The following KCTD10 variants were observed in gnomAD, a reference collection of about 807,000 sequenced individuals.
KCTD10 encodes potassium channel tetramerization domain containing 10.
A neutral mutation model predicts 34.6 loss-of-function variants in KCTD10; 13 were observed. The ratio of observed to expected loss-of-function variants is 0.38; its 90% CI spans 0.24 to 0.60. KCTD10 has a LOEUF of 0.60. Ranked by LOEUF, KCTD10 falls within the 20% of genes least tolerant of loss-of-function variation. The pLI, the probability that KCTD10 is intolerant of heterozygous loss-of-function variation, is 0.66. For synonymous variants in KCTD10, 156 were observed against 168.8 expected, an observed-to-expected ratio of 0.92 and a Z score of 0.59; for missense variants, 256 against 420.3, an observed-to-expected ratio of 0.61 and a Z score of 3.42.
Position 109,451,469 on chromosome 12 carries a change from C to A in KCTD10, c.*126G>T. The A allele has an allele frequency of 1.1e-6, 1 of 897,168 alleles. No individual in the cohort carries two copies. Among genetic ancestry groups the A allele is most frequent in the Non-Finnish European group, 1.7e-6 (1 of 598,510 alleles). The allele number at this position is 897,168 out of a possible 1,614,324, so 55.6% of individuals were successfully genotyped here. On this transcript the variant is annotated 3_prime_UTR_variant, in exon 7 of 7. Transcript: ENST00000228495. The surrounding 1 kb of genome is among the most constrained non-coding windows in gnomAD (Gnocchi z 5.0). ...AAGCAATACCAAAATAATCATCTGG[C>A]TTGTTACAAAAGTATCTCCAGGCTC... is the stretch of plus-strand genomic sequence containing the variant.
At position 109,448,798 on chromosome 12, in the gene KCTD10, G is replaced by A. The variant is rs6663; in HGVS notation, c.*2797C>T. 0.2 allele frequency: 30,875 copies of A among 152,182 alleles called. 3,287 individuals carry two copies. The highest frequency in any genetic ancestry group is 0.28 in the Middle Eastern group (81 of 294). The allele number at this position is 152,182 out of a possible 1,614,324, so 9.4% of individuals were successfully genotyped here. A position where few individuals can be genotyped will look rare whatever the true frequency, so the allele number is the denominator to read the frequency against. Reference sequence around the variant, plus strand: ...TAACTGTTACAGTGACTTTGGGTAGGGCCCTAAAGACAGCACACGCTCCAG... The same window carrying A: ...TAACTGTTACAGTGACTTTGGGTAGAGCCCTAAAGACAGCACACGCTCCAG... On this transcript the variant is annotated 3_prime_UTR_variant, in exon 7 of 7. Coordinates refer to ENST00000228495, the MANE Select transcript of KCTD10 (RefSeq NM_031954.5).
At position 109,469,633 on chromosome 12, in the gene KCTD10, G is replaced by GT; in HGVS notation, c.98dup (p.Tyr33Ter). The GT allele has an allele frequency of 6.2e-7, 1 of 1,614,212 alleles. No homozygotes were observed. The highest frequency in any genetic ancestry group is 8.5e-7 in the Non-Finnish European group (1 of 1,180,038). ...SFKGTSPSSK[Y>*]VKLNVGGALY... The stretch of plus-strand genomic sequence containing the variant: ...GGGCTCCACCCACATTCAGCTTCAC[G>GT]TATTTGGAGCTGGGGCTCGTGCCCT... Residue 33 changes from tyrosine to a stop codon, truncating the protein, a stop_gained and frameshift_variant, in exon 2 of 7, where the codon TAC becomes TAAC. Coordinates refer to ENST00000228495, the MANE Select transcript of KCTD10 (RefSeq NM_031954.5). LOFTEE classifies it high-confidence loss of function.
intron 6 of KCTD10, among the ~76,000 whole-genome samples, chr12:109,452,386 G>A (rs1054358086): frequency 2.0e-5 from 3 of 152,244 alleles, no homozygotes; most frequent in Non-Finnish European, 1.5e-5. Context: ...GGACTCCCAC[G>A]AAATGGGCAT....
chr12:109,475,921 T>C (rs981712008), intron 1 of KCTD10, among the ~76,000 whole-genome samples: 2 of 152,246 alleles, frequency 1.3e-5, no homozygotes, highest in African/African-American at 4.8e-5. Context: ...CTGTGTTTAA[T>C]ACACAAACTC....
intron 3 of KCTD10, chr12:109,459,522 A>C (rs1873204277): frequency 6.6e-6 from 1 of 152,270 alleles, no homozygotes; most frequent in Admixed American, 6.5e-5. Context: ...TTATAGAAGA[A>C]AGAAAATAAT....
intron 2 of KCTD10, among the ~76,000 whole-genome samples, chr12:109,464,248 T>A (rs1873487891): frequency 6.6e-6 from 1 of 152,222 alleles, no homozygotes; most frequent in African/African-American, 2.4e-5. Context: ...TCTAGCAACC[T>A]GCCTCATTCC....
In KCTD10 at chr12:109,460,977, C is replaced by T. The variant is rs563816577; in HGVS notation, c.218-172G>A. Among the ~76,000 whole-genome samples, 1 of 152,336 alleles carries T rather than the reference C, an allele frequency of 6.6e-6. No individual in the cohort carries two copies. The highest frequency in any genetic ancestry group is 2.4e-5 in the African/African-American group (1 of 41,572). On this transcript the variant is annotated intron_variant, in intron 2 of 6. Transcript: ENST00000228495. The surrounding 1 kb of genome is among the most constrained non-coding windows in gnomAD (Gnocchi z 4.5). ...CCACTAAGGGCTGAGGAAGCCCCCA[C>T]AGCCTCCAGGCCCTACTGGCTGGAC...
At chr12:109,475,056 C>A (rs1055976139) in intron 1 of KCTD10, among the ~76,000 whole-genome samples, 1 of 152,144 alleles carries the variant, frequency 6.6e-6, no homozygotes, top group Non-Finnish European at 1.5e-5. Flanking sequence ...CTTCAAAACC[C>A]TCAGAGAATG....
At chr12:109,465,179 TC>T (rs36118661) in intron 2 of KCTD10, among the ~76,000 whole-genome samples, 25,749 of 152,066 alleles carry the variant, frequency 0.17, 2,232 homozygotes, top group African/African-American at 0.18. Flanking sequence ...TACATGATCA[TC>T]AACAGAATAT....
chr12:109,456,464 T>C, intron 5 of KCTD10, 151 bp from the exon 6 acceptor site: 1 of 682,288 alleles, frequency 1.5e-6, no homozygotes. Flanking sequence ...CACTCCAATC[T>C]CCATCACTCA....
In KCTD10 at chr12:109,451,851, C is replaced by A; in HGVS notation, c.724-38G>T. On this transcript the variant is annotated intron_variant, in intron 6 of 6. Transcript: ENST00000228495. This position sits in a 1 kb window ranked among gnomAD's most constrained non-coding sequence, Gnocchi z 5.0. ...AGTATACAGGGCAGGTAAGTTATGG[C>A]CCACCCCCTCTGCCAACACCTGGAC... 6.5e-7 allele frequency: 1 copy of A among 1,545,948 alleles called. No homozygotes were observed. Among genetic ancestry groups the A allele is most frequent in the South Asian group, 1.2e-5 (1 of 82,384 alleles).
chr12:109,473,904 C>G (rs1427613826), intron 1 of KCTD10, among the ~76,000 whole-genome samples: 1 of 152,002 alleles, frequency 6.6e-6, no homozygotes, highest in Admixed American at 6.5e-5. Flanking sequence ...GCCTCACCCT[C>G]CCGAGTAGCT....
intron 2 of KCTD10, among the ~76,000 whole-genome samples, chr12:109,468,539 G>A (rs1357258552): frequency 6.6e-6 from 1 of 152,134 alleles, no homozygotes; most frequent in Non-Finnish European, 1.5e-5. Context: ...AACCTCATGT[G>A]ACCTGCACGC....
intron 6 of KCTD10, among the ~76,000 whole-genome samples, chr12:109,452,751 C>T (rs186069799): frequency 2.9e-4 from 44 of 152,236 alleles, no homozygotes; most frequent in African/African-American, 1.0e-3. Flanking sequence ...GAAATGGCAC[C>T]AGGACAGAAG....
intron 6 of KCTD10, among the ~76,000 whole-genome samples, chr12:109,452,567 TAC>T (rs1249798235): frequency 1.3e-5 from 2 of 152,234 alleles, no homozygotes; most frequent in African/African-American, 4.8e-5. Context: ...AGGCACACTC[TAC>T]CCCGTCTTCC....
intron 2 of KCTD10, among the ~76,000 whole-genome samples, chr12:109,462,167 G>C (rs1280321063): frequency 6.6e-6 from 1 of 152,210 alleles, no homozygotes; most frequent in Non-Finnish European, 1.5e-5. Context: ...TCCAGTCCCT[G>C]CCAAGTGCCC....
chr12:109,469,818 G>T, intron 1 of KCTD10, 90 bp from the exon 2 acceptor site: 1 of 1,557,600 alleles, frequency 6.4e-7, no homozygotes, highest in African/African-American at 1.4e-5. Flanking sequence ...GATGTGTTTT[G>T]CTTGGGCCAC....
chr12:109,456,565 C>T, intron 5 of KCTD10: 1 of 507,472 alleles, frequency 2.0e-6, no homozygotes, highest in Non-Finnish European at 3.6e-6. Context: ...CAGCCCTGGC[C>T]CCTAAGCCTG....
chr12:109,474,504 T>C (rs775861870), intron 1 of KCTD10, among the ~76,000 whole-genome samples: 7 of 152,148 alleles, frequency 4.6e-5, no homozygotes, highest in East Asian at 1.9e-4. Flanking sequence ...GGTCCTACCA[T>C]GAAAATTCTG....
Sources: allele counts gnomAD v4.1 joint callset (sites outside exome capture counted in the v4.1 genomes callset), GRCh38; gene constraint gnomAD v4.1.1; non-coding constraint Gnocchi (gnomAD v3.1); transcripts MANE v1.5; gene names NCBI Gene and HGNC (gene_info 2026-07-23, HGNC 2026-07-21).